The following GBA1 variants were observed in gnomAD, a reference collection of about 807,000 sequenced individuals.
GBA1 encodes glucosylceramidase beta 1.
At chr1:155,236,215 T>C in the GBA1 span, 9 of 1,583,742 alleles carry the variant, frequency 5.7e-6, no homozygotes, top group Non-Finnish European at 7.8e-6. Context: ...TGAGGTCTGC[T>C]TTGCAGGAAG....
chr1:155,234,729 C>A, the GBA1 span: 11 of 132,356 alleles, frequency 8.3e-5, no homozygotes, highest in South Asian at 4.6e-4. Flanking sequence ...GGCCCAGTTT[C>A]CAAAGCAAGC....
chr1:155,239,890 G>A, the GBA1 span: 22 of 1,614,088 alleles, frequency 1.4e-5, no homozygotes, highest in Non-Finnish European at 1.9e-5. Flanking sequence ...GGTTACCTGT[G>A]CCCGTGTGAT....
chr1:155,239,706 C>T, the GBA1 span: 2 of 1,614,124 alleles, frequency 1.2e-6, no homozygotes, highest in Non-Finnish European at 1.7e-6. Context: ...GTCATGGCCC[C>T]TCCAAATCCC....
the GBA1 span, chr1:155,241,122 G>A: frequency 2.6e-5 from 42 of 1,613,796 alleles, no homozygotes; most frequent in South Asian, 4.2e-4. Flanking sequence ...TCCCCTCAGG[G>A]TCATTAGATG....
chr1:155,235,688 G>A, the GBA1 span: 2 of 1,603,558 alleles, frequency 1.2e-6, no homozygotes, highest in Non-Finnish European at 1.7e-6. Context: ...CACCTGAAGT[G>A]GCCAAGGTGG....
the GBA1 span, chr1:155,238,223 G>C: frequency 1.2e-6 from 2 of 1,613,970 alleles, no homozygotes; most frequent in African/African-American, 1.3e-5. Context: ...CATTGGTCTT[G>C]AGCCAAGTGG....
At chr1:155,235,371 A>G in the GBA1 span, 2 of 1,600,284 alleles carry the variant, frequency 1.2e-6, no homozygotes, top group Admixed American at 3.5e-5. Flanking sequence ...ACCCTCATCT[A>G]AGAAGTCACC....
the GBA1 span, chr1:155,240,988 A>G: frequency 4.2e-6 from 5 of 1,188,636 alleles, no homozygotes; most frequent in Non-Finnish European, 6.3e-6. Flanking sequence ...AAGAGCCATG[A>G]TGGCCCTGGA....
chr1:155,238,032 A>G, the GBA1 span: 1 of 1,256,578 alleles, frequency 8.0e-7, no homozygotes. Flanking sequence ...TGAGCTGAGG[A>G]CAGGCAGATC....
chr1:155,239,742 G>C, the GBA1 span: 1 of 1,614,052 alleles, frequency 6.2e-7, no homozygotes, highest in Non-Finnish European at 8.5e-7. Flanking sequence ...TTCTGTTCTG[G>C]CTGCAGGGTC....
chr1:155,239,841 A>G, the GBA1 span: 2 of 1,613,986 alleles, frequency 1.2e-6, no homozygotes, highest in Non-Finnish European at 1.7e-6. Flanking sequence ...ATTTACCTCT[A>G]GGAGGACCCA....
At chr1:155,237,873 G>A in the GBA1 span, 1 of 646,158 alleles carries the variant, frequency 1.5e-6, no homozygotes, top group South Asian at 2.0e-5. Flanking sequence ...CAGCACTCCA[G>A]CCTGGGTGAC....
chr1:155,240,224 G>A, the GBA1 span: 1 of 714,232 alleles, frequency 1.4e-6, no homozygotes, highest in Non-Finnish European at 2.4e-6. Flanking sequence ...AGCACTTTAG[G>A]AGGCCGAGGT....
At chr1:155,240,788 C>T in the GBA1 span, 15 of 1,349,318 alleles carry the variant, frequency 1.1e-5, no homozygotes, top group Non-Finnish European at 1.6e-5. Flanking sequence ...CTGGGCAGGG[C>T]TTAGCTGCCT....
chr1:155,235,890 G>A, the GBA1 span: 7 of 1,612,888 alleles, frequency 4.3e-6, no homozygotes, highest in Non-Finnish European at 5.1e-6. Flanking sequence ...AACACTGGGG[G>A]TCCCCAGAGA....
At chr1:155,237,932 A>G in the GBA1 span, 1 of 679,450 alleles carries the variant, frequency 1.5e-6, no homozygotes. Flanking sequence ...AAAAATAAAA[A>G]GAAAGTGGGC....
chr1:155,240,254 A>T, the GBA1 span: 1 of 629,508 alleles, frequency 1.6e-6, no homozygotes, highest in Non-Finnish European at 2.8e-6. Flanking sequence ...ACCTGAGGTG[A>T]GGAGTTTGAG....
chr1:155,241,340 T>C, the GBA1 span: 5 of 619,868 alleles, frequency 8.1e-6, no homozygotes, highest in Non-Finnish European at 1.5e-5. Context: ...TAAAGGGCAA[T>C]TGGCTTCCTC....
chr1:155,236,318 G>T, the GBA1 span: 1 of 1,614,178 alleles, frequency 6.2e-7, no homozygotes, highest in South Asian at 1.1e-5. Flanking sequence ...CCAGAACTTG[G>T]AGCCCACACA....
Sources: allele counts gnomAD v4.1 joint callset, GRCh38; gene constraint gnomAD v4.1.1; transcripts MANE v1.5; gene names NCBI Gene and HGNC (gene_info 2026-07-23, HGNC 2026-07-21).